Variants in FER observed in about 807,000 individuals in gnomAD.
The protein encoded by FER is tyrosine-protein kinase Fer.
In FER, 63 loss-of-function variants were observed where a neutral mutation model predicts 111.0. That is an observed-to-expected ratio of 0.57 (90% confidence interval 0.46 to 0.70). The LOEUF (loss-of-function observed/expected upper bound fraction) is 0.70, where lower values mean the gene tolerates loss of function less well. Ranked by LOEUF, FER falls within the 30% of genes least tolerant of loss-of-function variation. The pLI, the probability that FER is intolerant of heterozygous loss-of-function variation, is 0.00. For synonymous variants in FER, 327 were observed against 313.9 expected, an observed-to-expected ratio of 1.04 and a Z score of -0.44; for missense variants, 914 against 954.0, an observed-to-expected ratio of 0.96 and a Z score of 0.55.
At chr5:109,078,056 A>C (rs963483956) in intron 16 of FER, among the ~76,000 whole-genome samples, 1 of 152,188 alleles carries the variant, frequency 6.6e-6, no homozygotes, top group Admixed American at 6.5e-5. Flanking sequence ...CAGTATACTC[A>C]AGGGACTGTA....
intron 3 of FER, among the ~76,000 whole-genome samples, chr5:108,816,133 C>A (rs567818313): frequency 9.7e-4 from 147 of 151,720 alleles, no homozygotes; most frequent in Middle Eastern, 3.4e-3. Context: ...AAAAAAAAAA[C>A]CATGAGTTTG....
chr5:109,149,586 T>C (rs923668253), intron 17 of FER, among the ~76,000 whole-genome samples: 3 of 151,646 alleles, frequency 2.0e-5, no homozygotes, highest in Non-Finnish European at 4.4e-5. Flanking sequence ...TTCATATCAA[T>C]CAAGAAACTC....
chr5:109,147,767 A>G (rs1754378693), intron 17 of FER, among the ~76,000 whole-genome samples: 1 of 136,612 alleles, frequency 7.3e-6, no homozygotes, highest in Non-Finnish European at 1.6e-5. Flanking sequence ...AAGAGAACAC[A>G]CACACACACA....
At chr5:108,874,791 G>A (rs1173963219) in intron 8 of FER, among the ~76,000 whole-genome samples, 1 of 151,822 alleles carries the variant, frequency 6.6e-6, no homozygotes, top group Non-Finnish European at 1.5e-5. Context: ...AATAGTACTT[G>A]GAAAAGATAT....
intron 17 of FER, among the ~76,000 whole-genome samples, chr5:109,119,789 G>T (rs1750733961): frequency 6.6e-6 from 1 of 151,902 alleles, no homozygotes; most frequent in Non-Finnish European, 1.5e-5. Flanking sequence ...ATTTGTGATT[G>T]CCTGTCTTTT....
At chr5:109,035,437 A>G (rs974402961) in intron 13 of FER, among the ~76,000 whole-genome samples, 4 of 152,162 alleles carry the variant, frequency 2.6e-5, no homozygotes, top group Non-Finnish European at 4.4e-5. Context: ...CAGCAAAGTG[A>G]TTTGCAAGTG....
intron 13 of FER, among the ~76,000 whole-genome samples, chr5:108,961,796 A>G (rs895552246): frequency 3.3e-5 from 5 of 152,180 alleles, no homozygotes; most frequent in Non-Finnish European, 5.9e-5. Flanking sequence ...TGGTGGTAGT[A>G]TCTGTTACTT....
At chr5:108,788,219 T>G (rs1474978673) in intron 2 of FER, among the ~76,000 whole-genome samples, 1 of 152,190 alleles carries the variant, frequency 6.6e-6, no homozygotes, top group African/African-American at 2.4e-5. Flanking sequence ...CTGGTCCAAC[T>G]GCAGCCTTGC....
At chr5:108,794,240 A>G (rs1171542414) in intron 2 of FER, among the ~76,000 whole-genome samples, 1 of 144,834 alleles carries the variant, frequency 6.9e-6, no homozygotes, top group African/African-American at 2.6e-5. Context: ...TTTTTGAGAC[A>G]GAGTTTCACT....
intron 13 of FER, among the ~76,000 whole-genome samples, chr5:109,026,927 C>G (rs767394449): frequency 3.9e-5 from 6 of 152,016 alleles, no homozygotes; most frequent in Non-Finnish European, 8.8e-5. Flanking sequence ...GAACTGCCCA[C>G]CTCGGCCTCC....
intron 3 of FER, among the ~76,000 whole-genome samples, chr5:108,810,750 G>A (rs989871581): frequency 7.2e-5 from 11 of 152,058 alleles, no homozygotes; most frequent in Non-Finnish European, 1.5e-4. Flanking sequence ...GCTGCAATAC[G>A]GTGTCTTCAT....
Position 109,004,526 on chromosome 5 carries a change from C to G in FER, c.1657-32896C>G, listed in dbSNP as rs201219368. On this transcript the variant is annotated intron_variant, in intron 13 of 19. Coordinates refer to ENST00000281092, the MANE Select transcript of FER (RefSeq NM_005246.4). ...TAAATTTATATGAAAGGATATTATG[C>G]AGCCTATTAAAAATAAGTGTTTGGA... Among the ~76,000 whole-genome samples the G allele has an allele frequency of 5.3e-5, 8 of 152,224 alleles. No homozygotes were observed. In the East Asian group the frequency reaches 1.5e-3, roughly 29 times the overall value.
chr5:108,983,496 G>A (rs1395749074), intron 13 of FER, among the ~76,000 whole-genome samples: 1 of 152,100 alleles, frequency 6.6e-6, no homozygotes. Flanking sequence ...TTCTAGGTAT[G>A]AAATATATGT....
Position 109,191,955 on chromosome 5 carries a change from T to C in FER, c.*4380T>C, listed in dbSNP as rs1431843019. ...AAAAAATGCTGTCCTACAGAAGGTGTATAAACTATACCTTAGCCATAATTC... is the reference window on the plus strand; with the variant it reads ...AAAAAATGCTGTCCTACAGAAGGTGCATAAACTATACCTTAGCCATAATTC... On this transcript the variant is annotated 3_prime_UTR_variant, in exon 20 of 20. Transcript: ENST00000281092. The C allele has an allele frequency of 6.6e-6, 1 of 152,156 alleles. No individual in the cohort carries two copies. The highest frequency in any genetic ancestry group is 6.6e-5 in the Admixed American group (1 of 15,260). The allele number at this position is 152,156 out of a possible 1,614,324, so 9.4% of individuals were successfully genotyped here. A position where few individuals can be genotyped will look rare whatever the true frequency, so the allele number is the denominator to read the frequency against.
chr5:108,821,555 G>A (rs1367506213), intron 3 of FER, among the ~76,000 whole-genome samples: 2 of 151,948 alleles, frequency 1.3e-5, no homozygotes, highest in African/African-American at 4.8e-5. Flanking sequence ...CATGCTTCTT[G>A]TGCTTGGGTT....
intron 10 of FER, among the ~76,000 whole-genome samples, chr5:108,911,454 T>C (rs1351347534): frequency 6.6e-6 from 1 of 152,162 alleles, no homozygotes; most frequent in Non-Finnish European, 1.5e-5. Context: ...TTTTGATGTA[T>C]AAAAACTTTC....
chr5:108,802,931 G>A (rs1756829638), intron 3 of FER, among the ~76,000 whole-genome samples: 1 of 152,094 alleles, frequency 6.6e-6, no homozygotes, highest in South Asian at 2.1e-4. Context: ...GCTTTCTCTA[G>A]TGGCTGAACT....
At chr5:109,088,155 A>T (rs1457095536) in intron 16 of FER, among the ~76,000 whole-genome samples, 1 of 152,002 alleles carries the variant, frequency 6.6e-6, no homozygotes, top group Admixed American at 6.6e-5. Flanking sequence ...ATTACGGGTC[A>T]TGGCCACAGA....
intron 16 of FER, among the ~76,000 whole-genome samples, chr5:109,094,748 G>C (rs576315823): frequency 3.3e-5 from 5 of 152,256 alleles, no homozygotes; most frequent in African/African-American, 1.2e-4. Flanking sequence ...TTGGGCTCAA[G>C]GCCATGGTTT....
Sources: allele counts gnomAD v4.1 joint callset (sites outside exome capture counted in the v4.1 genomes callset), GRCh38; gene constraint gnomAD v4.1.1; transcripts MANE v1.5; gene names NCBI Gene and HGNC (gene_info 2026-07-23, HGNC 2026-07-21).